Variants in ESX1 observed in about 807,000 individuals in gnomAD.
ESX1 encodes ESX homeobox 1.
A neutral mutation model predicts 13.2 loss-of-function variants in ESX1; 2 were observed. The observed-to-expected ratio is 0.15, with a 90% CI of 0.06 to 0.48. The LOEUF is 0.48. ESX1 is among the 20% of genes least tolerant of loss of function. The probability of loss-of-function intolerance (pLI) is 0.97; values close to 1 mark genes in which losing one functional copy is unlikely to be tolerated. For synonymous variants in ESX1, 157 were observed against 163.1 expected (o/e 0.96, Z 0.29); for missense variants, 307 against 379.0 (o/e 0.81, Z 1.58).
At chrX:104,252,936 G>A (rs1923219572) in intron 2 of ESX1, 108 bp from the exon 3 acceptor site, 2 of 684,404 alleles carry the variant, frequency 2.9e-6, no homozygotes, top group Non-Finnish European at 4.5e-6. Context: ...GGTTGCTGAG[G>A]TCAGGAGTTG....
In ESX1 at chrX:104,254,528, C is replaced by T; in HGVS notation, c.132G>A (p.Glu44=). Residue 44 remains glutamate (E), a synonymous_variant, in exon 2 of 4, where the codon GAG becomes GAA. Transcript: ENST00000372588. ...ACTCAGGTTTGGACCGTGTATTCTC[C>T]TCGTCCTCTCCTCCCCTTGCCATCA... ...TSLMARGGED[E]ENTRSKPEYG... is the part of the protein sequence containing the mutation. The T allele has an allele frequency of 3.3e-6, 4 of 1,211,619 alleles. No individual in the cohort carries two copies. Among genetic ancestry groups the T allele is most frequent in the Non-Finnish European group, 4.5e-6 (4 of 895,319 alleles).
At position 104,252,913 on chromosome X, in the gene ESX1, G is replaced by A. The variant is rs1923219113; in HGVS notation, c.507-85C>T. ...TGAACGTGGCTCGGCTCAGCACTTT[G>A]GGAGGCCGAAGAGGTTGCTGAGGTC... On this transcript the variant is annotated intron_variant, in intron 2 of 3. Transcript: ENST00000372588. The A allele has an allele frequency of 1.1e-5, 10 of 897,035 alleles. No homozygotes were observed. The East Asian group carries it at 2.8e-4, about 25-fold the overall frequency. 73.9% of individuals were successfully genotyped at this position (897,035 alleles called of 1,213,427 possible).
rs1556393789 is a variant in ESX1 at position 104,250,347 on chromosome X, G to GTGGCAGAGGCGCCATGGGCGGCCCGGA, written c.1101_1102insTCCGGGCCGCCCATGGCGCCTCTGCCA (p.Pro367_Pro368insSerGlyProProMetAlaProLeuPro). On this transcript the variant is annotated inframe_insertion, in exon 4 of 4. Coordinates refer to ENST00000372588, the MANE Select transcript of ESX1 (RefSeq NM_153448.4). The stretch of plus-strand genomic sequence containing the variant: ...GGCAGAGGCGCCATGGGCGGCCCGG[G>GTGGCAGAGGCGCCATGGGCGGCCCGGA]TGGCAGAGGCGCCATGGGCGGCCCG... 1 of 1,136,015 alleles carries GTGGCAGAGGCGCCATGGGCGGCCCGGA rather than the reference G, an allele frequency of 8.8e-7. No individual in the cohort carries two copies. Among genetic ancestry groups the GTGGCAGAGGCGCCATGGGCGGCCCGGA allele is most frequent in the African/African-American group, 1.9e-5 (1 of 52,480 alleles). The allele number at this position is 1,136,015 out of a possible 1,213,427, so 93.6% of individuals were successfully genotyped here.
chrX:104,254,059 G>C, intron 2 of ESX1, 95 bp downstream of exon 2: 1 of 1,059,623 alleles, frequency 9.4e-7, no homozygotes, highest in East Asian at 3.0e-5. Context: ...CAAAAACCAA[G>C]GGCGGAGGCA....
chrX:104,252,397 T>C (rs1002103890), intron 3 of ESX1, among the ~76,000 whole-genome samples: 21 of 111,974 alleles, frequency 1.9e-4, no homozygotes, highest in Non-Finnish European at 3.8e-4. Flanking sequence ...AGGATACCAG[T>C]GTTAGAAGAA....
At position 104,254,824 on chromosome X, in the gene ESX1, T is replaced by C. The variant is rs1195713986; in HGVS notation, c.26A>G (p.His9Arg). 3.3e-6 allele frequency: 4 copies of C among 1,210,339 alleles called. No homozygotes were observed. The Admixed American group carries it at 8.7e-5, about 26-fold the overall frequency. The change falls in exon 1 of 4, where the codon CAC becomes CGC. Residue 9 changes from histidine to arginine, a missense_variant. His to Arg is a conservative substitution (Grantham distance 29). Transcript: ENST00000372588. ...CAGGCTGCGGTAGCCAATATCACTGTGGGTGTACCCGCGAAGAGACTCCAT... is the reference window on the plus strand; with the variant it reads ...CAGGCTGCGGTAGCCAATATCACTGCGGGTGTACCCGCGAAGAGACTCCAT... MESLRGYT[H>R]SDIGYRSLAV...
chrX:104,251,790 C>G (rs1486638843), intron 3 of ESX1, among the ~76,000 whole-genome samples: 1 of 111,072 alleles, frequency 9.0e-6, no homozygotes, highest in Non-Finnish European at 1.9e-5. Context: ...AGAAAACCCA[C>G]CTTTTCAAAA....
chrX:104,251,294 T>TA lies in ESX1; in HGVS notation c.553-399_553-398insT, dbSNP rs1923179196. 5.3e-5 allele frequency among the ~76,000 whole-genome samples: 6 copies of TA among 112,550 alleles called. No homozygotes were observed. In the Admixed American group the frequency reaches 5.7e-4, roughly 11 times the overall value. On this transcript the variant is annotated intron_variant, in intron 3 of 3. Transcript: ENST00000372588. ...TTTTTCCTTCTTTGTATTTTCTGGC[T>TA]CTTTCTTCCTTCCTTCATAAATCCA...
Position 104,254,420 on chromosome X carries a change from G to C in ESX1, c.240C>G (p.His80Gln), listed in dbSNP as rs1556395358. ...GCTCCTCCTGCTGTTGCTCCGGCTC[G>C]TGGCCGCCGCCACCCTCACGGTCTT... ...DDQDREGGGG[H>Q]EPEQQQEEPP... Residue 80 changes from histidine to glutamine, a missense_variant, in exon 2 of 4, where the codon CAC becomes CAG. By Grantham distance (24) the His-to-Gln change is conservative (BLOSUM62 0). Around this residue, in one of 3 missense-constraint regions of ESX1, gnomAD observed 152 missense variants for 114.5 expected, o/e 1.33. Transcript: ENST00000372588. The C allele has an allele frequency of 1.3e-5, 16 of 1,211,920 alleles. No homozygotes were observed. Among genetic ancestry groups the C allele is most frequent in the African/African-American group, 1.7e-5 (1 of 57,906 alleles).
chrX:104,252,708 G>T (rs1199319642), intron 3 of ESX1, 75 bp downstream of exon 3: 4 of 1,004,317 alleles, frequency 4.0e-6, no homozygotes, highest in Non-Finnish European at 5.6e-6. Context: ...ACCAGCTTGA[G>T]AATGTCCAGG....
rs1445259968 is a variant in ESX1, at chrX:104,254,826, G to T, written c.24C>A (p.Thr8=). ...GGCTGCGGTAGCCAATATCACTGTGGGTGTACCCGCGAAGAGACTCCATGC... is the reference window on the plus strand; with the variant it reads ...GGCTGCGGTAGCCAATATCACTGTGTGTGTACCCGCGAAGAGACTCCATGC... MESLRGY[T]HSDIGYRSLA... Residue 8 remains threonine, a synonymous_variant, in exon 1 of 4, where the codon ACC becomes ACA. Coordinates refer to ENST00000372588, the MANE Select transcript of ESX1 (RefSeq NM_153448.4). 2.5e-6 allele frequency: 3 copies of T among 1,208,470 alleles called. No homozygotes were observed. The Admixed American group carries it at 6.5e-5, about 26-fold the overall frequency.
intron 2 of ESX1, among the ~76,000 whole-genome samples, chrX:104,253,213 T>C (rs1208028616): frequency 9.2e-6 from 1 of 109,141 alleles, no homozygotes; most frequent in Non-Finnish European, 1.9e-5. Context: ...AGTGCAGTTT[T>C]CTGTAATACG....
rs1276112981 is a variant in ESX1, at chrX:104,254,336, T to C, written c.324A>G (p.Gln108=). ...QEEPPLLELK[Q]EQEEPPQTTV... ...TCGTCTGGGGCGGCTCCTCCTGCTC[T>C]TGCTTCAGCTCGAGCAGGGGCGGCT... Residue 108 remains glutamine (Q), a synonymous_variant, in exon 2 of 4, where the codon CAA becomes CAG. Coordinates refer to ENST00000372588, the MANE Select transcript of ESX1 (RefSeq NM_153448.4). The C allele has an allele frequency of 5.8e-6, 7 of 1,209,772 alleles. No individual in the cohort carries two copies. In the African/African-American group the frequency reaches 8.7e-5, roughly 15 times the overall value.
chrX:104,250,201 T>C lies in ESX1; in HGVS notation c.*27A>G, dbSNP rs371465085. The C allele has an allele frequency of 2.1e-4, 248 of 1,198,504 alleles. No homozygotes were observed. Among genetic ancestry groups the C allele is most frequent in the Non-Finnish European group, 2.7e-4 (236 of 889,429 alleles). The stretch of plus-strand genomic sequence containing the variant: ...ATTTCTATCTGGCAGGAAAGAACTT[T>C]GGAAAAACTGTTATGAATACCTTAC... On this transcript the variant is annotated 3_prime_UTR_variant, in exon 4 of 4. Transcript: ENST00000372588.
chrX:104,250,188 C>A lies in ESX1; in HGVS notation c.*40G>T, dbSNP rs782326020. ...TGTGCTGTGCACAATTTCTATCTGG[C>A]AGGAAAGAACTTTGGAAAAACTGTT... On this transcript the variant is annotated 3_prime_UTR_variant, in exon 4 of 4. Transcript: ENST00000372588. 2.5e-6 allele frequency: 3 copies of A among 1,189,810 alleles called. No homozygotes were observed. In the Admixed American group the frequency reaches 6.8e-5, roughly 27 times the overall value.
chrX:104,252,879 G>A (rs1556394692), intron 2 of ESX1, 51 bp from the exon 3 acceptor site: 1 of 1,106,456 alleles, frequency 9.0e-7, no homozygotes, highest in South Asian at 1.8e-5. Context: ...TGGATAAAAT[G>A]CAATAATATG....
At chrX:104,253,986 C>T (rs1239577321) in intron 2 of ESX1, among the ~76,000 whole-genome samples, 168 bp downstream of exon 2, 2 of 112,177 alleles carry the variant, frequency 1.8e-5, no homozygotes, top group African/African-American at 6.5e-5. Flanking sequence ...CCCTGCCTCA[C>T]TCGCTTTACC....
Position 104,250,656 on chromosome X carries a change from G to A in ESX1, c.793C>T (p.Pro265Ser), listed in dbSNP as rs782305364. The A allele has an allele frequency of 4.5e-5, 55 of 1,208,949 alleles. No individual in the cohort carries two copies. Among genetic ancestry groups the A allele is most frequent in the Non-Finnish European group, 5.5e-5 (49 of 894,540 alleles). ...ATGGGTGGCATAGGTGCTATGGGTG[G>A]CCTGGGTGGCATAGGGACCATGGGT... The part of the protein sequence containing the change: ...RPPMVPMPPR[P>S]PIAPMPPMAP... Residue 265 changes from proline (P) to serine (S), a missense_variant, in exon 4 of 4, where the codon CCA (proline) becomes TCA (serine). Pro to Ser is a moderately conservative substitution (Grantham distance 74). Around this residue, in one of 3 missense-constraint regions of ESX1, gnomAD observed 108 missense variants for 147.5 expected, o/e 0.73. Transcript: ENST00000372588.
chrX:104,252,694 A>G (rs1923213422), intron 3 of ESX1, 89 bp downstream of exon 3: 1 of 939,544 alleles, frequency 1.1e-6, no homozygotes, highest in African/African-American at 1.9e-5. Context: ...AGACAACAGA[A>G]AACACCAGCT....
Sources: allele counts gnomAD v4.1 joint callset (sites outside exome capture counted in the v4.1 genomes callset), GRCh38; gene constraint gnomAD v4.1.1; regional missense constraint gnomAD v4.1.1; transcripts MANE v1.5; gene names NCBI Gene and HGNC (gene_info 2026-07-23, HGNC 2026-07-21).